Variants in TASP1 observed in about 807,000 individuals in gnomAD.
The protein encoded by TASP1 is threonine aspartase 1.
Under a neutral mutation model 56.6 loss-of-function variants are expected in TASP1, and 16 were observed. That is an observed-to-expected ratio of 0.28 (90% CI 0.19 to 0.43). The LOEUF is 0.43. Ranked by LOEUF, TASP1 falls within the 20% of genes least tolerant of loss-of-function variation. The pLI, the probability that TASP1 is intolerant of heterozygous loss-of-function variation, is 1.00. For synonymous variants in TASP1, 179 were observed against 184.2 expected, an observed-to-expected ratio of 0.97 and a Z score of 0.23; for missense variants, 393 against 511.6, an observed-to-expected ratio of 0.77 and a Z score of 2.24.
At chr20:13,539,801 T>C (rs1206653452) in intron 8 of TASP1, among the ~76,000 whole-genome samples, 1 of 152,218 alleles carries the variant, frequency 6.6e-6, no homozygotes, top group Non-Finnish European at 1.5e-5. Context: ...TACAATGTTC[T>C]GGGGTTTGCA....
chr20:13,441,085 A>G (rs77576015), intron 11 of TASP1, among the ~76,000 whole-genome samples: 2,546 of 152,192 alleles, frequency 0.017, 72 homozygotes, highest in African/African-American at 0.056. Flanking sequence ...CAACAAGTCA[A>G]CACTTCAAAC....
At chr20:13,348,653 T>C in the TASP1 span, among the ~76,000 whole-genome samples, 59 of 152,328 alleles carry the variant, frequency 3.9e-4, no homozygotes, top group East Asian at 7.1e-3. Context: ...AGGGAGCATC[T>C]AGTTCTGGCT....
At chr20:13,323,912 G>C in the TASP1 span, among the ~76,000 whole-genome samples, 1 of 152,154 alleles carries the variant, frequency 6.6e-6, no homozygotes, top group Non-Finnish European at 1.5e-5. Flanking sequence ...TTAATAGCCT[G>C]AATGATAAGA....
At chr20:13,167,045 G>A in the TASP1 span, 6 of 152,108 alleles carry the variant, frequency 3.9e-5, no homozygotes, top group African/African-American at 1.4e-4. Context: ...GAATATACAG[G>A]TATGAGAACA....
chr20:13,286,668 G>A, the TASP1 span, among the ~76,000 whole-genome samples: 5 of 152,188 alleles, frequency 3.3e-5, no homozygotes, highest in Admixed American at 2.6e-4. Context: ...CCACCACCCC[G>A]CTCCTCCAAT....
the TASP1 span, among the ~76,000 whole-genome samples, chr20:13,364,031 T>C: frequency 6.6e-6 from 1 of 151,966 alleles, no homozygotes; most frequent in Non-Finnish European, 1.5e-5. Flanking sequence ...TAATCCCAGA[T>C]AAGGTTTGGG....
intron 13 of TASP1, among the ~76,000 whole-genome samples, chr20:13,412,656 C>T (rs2042128723): frequency 6.6e-6 from 1 of 152,132 alleles, no homozygotes; most frequent in Admixed American, 6.5e-5. Context: ...AATCTCATCT[C>T]TGCTATCCTT....
chr20:13,430,452 T>C (rs1009513117), intron 12 of TASP1, among the ~76,000 whole-genome samples: 1 of 152,192 alleles, frequency 6.6e-6, no homozygotes, highest in African/African-American at 2.4e-5. Context: ...AAGCCCCGGT[T>C]CCTCAGAAGC....
chr20:13,590,652 G>A (rs6134924), intron 4 of TASP1, among the ~76,000 whole-genome samples: 1 of 152,122 alleles, frequency 6.6e-6, no homozygotes, highest in Non-Finnish European at 1.5e-5. Flanking sequence ...AGGATTACAA[G>A]GTCAGGCATT....
intron 11 of TASP1, among the ~76,000 whole-genome samples, chr20:13,482,186 G>T (rs374217781): frequency 6.6e-6 from 1 of 152,088 alleles, no homozygotes; most frequent in Admixed American, 6.6e-5. Context: ...TTTCCAGAGC[G>T]TATGTTCTTG....
At chr20:13,441,436 T>C (rs1411911596) in intron 11 of TASP1, among the ~76,000 whole-genome samples, 1 of 152,116 alleles carries the variant, frequency 6.6e-6, no homozygotes, top group African/African-American at 2.4e-5. Context: ...AGGTAAATGA[T>C]GGAGAGTGTC....
chr20:13,517,504 G>T (rs2044585321), intron 10 of TASP1, among the ~76,000 whole-genome samples: 1 of 151,808 alleles, frequency 6.6e-6, no homozygotes, highest in African/African-American at 2.4e-5. Flanking sequence ...TTGTTTAATG[G>T]CAAAAATCCA....
the TASP1 span, chr20:13,164,843 G>A: frequency 6.2e-7 from 1 of 1,613,466 alleles, no homozygotes; most frequent in Non-Finnish European, 8.5e-7. Flanking sequence ...TCTATGATGA[G>A]ACGAGCTTTG....
chr20:13,301,230 C>T, the TASP1 span, among the ~76,000 whole-genome samples: 1 of 152,112 alleles, frequency 6.6e-6, no homozygotes, highest in African/African-American at 2.4e-5. Context: ...ACTCTGTCCC[C>T]CAAGCTGGAG....
At chr20:13,132,157 C>T in the TASP1 span, among the ~76,000 whole-genome samples, 6 of 151,108 alleles carry the variant, frequency 4.0e-5, no homozygotes, top group Non-Finnish European at 8.8e-5. Context: ...TCTAATTCTC[C>T]TCACCTTGCT....
At chr20:13,200,147 A>T in the TASP1 span, among the ~76,000 whole-genome samples, 1 of 152,248 alleles carries the variant, frequency 6.6e-6, no homozygotes, top group Admixed American at 6.5e-5. Context: ...TGATTCCTTC[A>T]TCATCTCAGA....
intron 7 of TASP1, among the ~76,000 whole-genome samples, chr20:13,559,991 A>C (rs919994604): frequency 6.6e-6 from 1 of 152,232 alleles, no homozygotes; most frequent in Non-Finnish European, 1.5e-5. Flanking sequence ...GTTTATGCTC[A>C]GAGAAAGAAA....
At chr20:13,616,440 A>G (rs1162977002) in intron 4 of TASP1, among the ~76,000 whole-genome samples, 2 of 152,152 alleles carry the variant, frequency 1.3e-5, no homozygotes, top group Admixed American at 6.5e-5. Context: ...CAGGATGAAT[A>G]TATCTGATGA....
the TASP1 span, among the ~76,000 whole-genome samples, chr20:13,378,737 C>T: frequency 6.6e-6 from 1 of 152,110 alleles, no homozygotes; most frequent in Non-Finnish European, 1.5e-5. Context: ...CTAGAACTTA[C>T]TTTATGAATC....
Sources: gnomAD v4.1 joint callset for allele counts (sites outside exome capture counted in the v4.1 genomes callset) on GRCh38, gnomAD v4.1.1 for gene constraint, MANE v1.5 for transcripts, NCBI Gene and HGNC (gene_info 2026-07-23, HGNC 2026-07-21) for gene names.